The following FAT1 variants were observed in gnomAD, a reference collection of about 807,000 sequenced individuals.
FAT1 encodes protocadherin Fat 1.
A neutral mutation model predicts 329.8 loss-of-function variants in FAT1; 171 were observed. That is an observed-to-expected ratio of 0.52 (90% CI 0.46 to 0.59). The LOEUF is 0.59. Among genes scored for constraint, FAT1 ranks in the 20% least tolerant of loss-of-function variants. FAT1 has a pLI of 0.00. For missense variants in FAT1, 5,672 were observed against 5,774.4 expected (o/e 0.98, Z 0.57); for synonymous variants, 2,233 against 2,228.6 (o/e 1.00, Z -0.06).
rs1744663062 is a variant in FAT1, at chr4:186,707,116, C to G, written c.2712G>C (p.Glu904Asp). The change falls in exon 2 of 27, where the codon GAG becomes GAC. Residue 904 changes from glutamate (E) to aspartate (D), a missense_variant. Transcript: ENST00000441802. ...CAACGACAGTGGAGAACAGCTGAGG[C>G]TCTTCTCTGGCTTGGTCCCTGGCCT... The part of the protein sequence containing the change: ...KIEARDQARE[E>D]PQLFSTVVVK... 1 of 1,613,996 alleles carries G rather than the reference C, an allele frequency of 6.2e-7. No individual in the cohort carries two copies. Among genetic ancestry groups the G allele is most frequent in the South Asian group, 1.1e-5 (1 of 91,078 alleles).
In FAT1 at chr4:186,636,070, T is replaced by G; in HGVS notation, c.4138A>C (p.Ile1380Leu). The part of the protein sequence containing the change: ...SDPVAHMIGV[I>L]SVEPPGIPLW... ...GGTATGCCAGGAGGCTCCACAGATA[T>G]TACTCCAATCATGTGAGCAACGGGG... The change falls in exon 6 of 27, where the codon ATA (isoleucine) becomes CTA (leucine). Residue 1380 changes from isoleucine (I) to leucine (L), a missense_variant. Ile to Leu is a conservative substitution (Grantham distance 5). Around this residue, in one of 2 missense-constraint regions of FAT1, gnomAD observed 3,966 missense variants for 3,915.2 expected, o/e 1.01. Coordinates refer to ENST00000441802, the MANE Select transcript of FAT1 (RefSeq NM_005245.4). The G allele has an allele frequency of 6.2e-7, 1 of 1,613,930 alleles. No individual in the cohort carries two copies. The highest frequency in any genetic ancestry group is 1.1e-5 in the South Asian group (1 of 91,082).
At position 186,619,204 on chromosome 4, in the gene FAT1, T is replaced by A. The variant is rs2126503210; in HGVS notation, c.7382A>T (p.Tyr2461Phe). The change falls in exon 10 of 27, where the codon TAC (tyrosine) becomes TTC (phenylalanine). Residue 2461 changes from tyrosine to phenylalanine, a missense_variant. By Grantham distance (22) the Tyr-to-Phe change is conservative. Transcript: ENST00000441802. ...ATCAGACACTGACAGGTTAAGACTG[T>A]AAAATGGCTTCAGGGCGTGCCGGTG... ...NLHRHALKPF[Y>F]SLNLSVSDGV... The A allele has an allele frequency of 1.2e-6, 2 of 1,613,994 alleles. No individual in the cohort carries two copies. Among genetic ancestry groups the A allele is most frequent in the East Asian group, 4.5e-5 (2 of 44,888 alleles).
chr4:186,699,140 G>A (rs911042395), intron 2 of FAT1, among the ~76,000 whole-genome samples: 2 of 152,042 alleles, frequency 1.3e-5, no homozygotes, highest in Admixed American at 6.6e-5. Context: ...CTCACTAAAC[G>A]TTAACTATAA....
chr4:186,706,503 G>GT, intron 2 of FAT1, 60 bp downstream of exon 2: 4 of 1,371,470 alleles, frequency 2.9e-6, no homozygotes, highest in Non-Finnish European at 4.0e-6. Context: ...AGGGCAGATG[G>GT]TTAAAAAAAA....
At chr4:186,705,289 C>T (rs1744524483) in intron 2 of FAT1, among the ~76,000 whole-genome samples, 1 of 152,120 alleles carries the variant, frequency 6.6e-6, no homozygotes, top group African/African-American at 2.4e-5. Flanking sequence ...TCATGTGCTA[C>T]ACACCTATCA....
chr4:186,619,661 C>T lies in FAT1; in HGVS notation c.6925G>A (p.Asp2309Asn), dbSNP rs1221788415. The stretch of plus-strand genomic sequence containing the variant: ...CCTCTATTTGGTTCTGAATCAGAAT[C>T]GGTGGCTCTAACTTGAACAACAGAC... ...GTSVVQVRATDSDSEPNRGIS... is the reference protein window; with the variant it reads ...GTSVVQVRATNSDSEPNRGIS... Residue 2309 changes from aspartate to asparagine, a missense_variant, in exon 10 of 27, where the codon GAT (aspartate) becomes AAT (asparagine). Coordinates refer to ENST00000441802, the MANE Select transcript of FAT1 (RefSeq NM_005245.4). 2.3e-5 allele frequency: 37 copies of T among 1,613,828 alleles called. 1 individual carries two copies. The highest frequency in any genetic ancestry group is 1.6e-4 in the East Asian group (7 of 44,898).
intron 1 of FAT1, among the ~76,000 whole-genome samples, 194 bp downstream of exon 1, chr4:186,723,470 A>AC (rs985262122): frequency 1.3e-5 from 2 of 151,602 alleles, no homozygotes; most frequent in African/African-American, 2.4e-5. Context: ...CGCCGCCGGG[A>AC]CCCCCCTAGC....
chr4:186,714,106 C>T (rs1241529945), intron 1 of FAT1, among the ~76,000 whole-genome samples: 2 of 152,106 alleles, frequency 1.3e-5, no homozygotes, highest in African/African-American at 2.4e-5. Context: ...CCGAGGAGTG[C>T]CACGGTCTCA....
Position 186,588,585 on chromosome 4 carries a change from T to G in FAT1, c.*7A>C, listed in dbSNP as rs1381175578. On this transcript the variant is annotated 3_prime_UTR_variant, in exon 27 of 27. Coordinates refer to ENST00000441802, the MANE Select transcript of FAT1 (RefSeq NM_005245.4). ...CTAAAGTCAGGCACTTTGGGGGGAG[T>G]TGAGAGTCAGACTTCCGTGTGCTGC... is the stretch of plus-strand genomic sequence containing the variant. 2 of 1,602,648 alleles carry G rather than the reference T, an allele frequency of 1.2e-6. No individual in the cohort carries two copies. Among genetic ancestry groups the G allele is most frequent in the Non-Finnish European group, 1.7e-6 (2 of 1,174,402 alleles).
chr4:186,711,277 G>A (rs769567455), intron 1 of FAT1, among the ~76,000 whole-genome samples: 5 of 152,300 alleles, frequency 3.3e-5, no homozygotes, highest in Middle Eastern at 3.4e-3. Context: ...ATTGAACCAC[G>A]TTCAAGTTGG....
chr4:186,709,645 A>T lies in FAT1; in HGVS notation c.183T>A (p.Val61=), dbSNP rs751476957. 4 of 1,613,942 alleles carry T rather than the reference A, an allele frequency of 2.5e-6. No homozygotes were observed. The highest frequency in any genetic ancestry group is 3.4e-6 in the Non-Finnish European group (4 of 1,179,884). The change falls in exon 2 of 27, where the codon GTT becomes GTA. Residue 61 remains valine, a synonymous_variant. Coordinates refer to ENST00000441802, the MANE Select transcript of FAT1 (RefSeq NM_005245.4). The part of the protein sequence containing the change: ...TYVGHPVKMG[V]YITHPAWEVR... ...CTTCCCACGCTGGATGTGTAATGTA[A>T]ACACCCATCTTGACAGGATGCCCCA... is the stretch of plus-strand genomic sequence containing the variant.
chr4:186,657,187 G>A (rs1741943460), intron 3 of FAT1, among the ~76,000 whole-genome samples: 1 of 152,168 alleles, frequency 6.6e-6, no homozygotes, highest in Non-Finnish European at 1.5e-5. Flanking sequence ...TGTACTCAAT[G>A]TTCACAGCGG....
In FAT1 at chr4:186,595,825, T is replaced by G; in HGVS notation, c.13002A>C (p.Thr4334=). Reference sequence around the variant, plus strand: ...GACAGGGATCAAGATCCACCACTTTTGCTAAAAGGAAGGATGACAAACAGT... The same window carrying G: ...GACAGGGATCAAGATCCACCACTTTGGCTAAAAGGAAGGATGACAAACAGT... The part of the protein sequence containing the change: ...QKPSWDFDYD[T]KVVDLDPCLS... The change falls in exon 26 of 27, where the codon ACA becomes ACC. Residue 4334 remains threonine (T), a splice_region_variant and synonymous_variant. Coordinates refer to ENST00000441802, the MANE Select transcript of FAT1 (RefSeq NM_005245.4). 6.2e-7 allele frequency: 1 copy of G among 1,613,892 alleles called. No individual in the cohort carries two copies. Among genetic ancestry groups the G allele is most frequent in the East Asian group, 2.2e-5 (1 of 44,880 alleles).
chr4:186,698,046 G>A (rs1273155648), intron 2 of FAT1, among the ~76,000 whole-genome samples: 3 of 152,170 alleles, frequency 2.0e-5, no homozygotes, highest in South Asian at 4.1e-4. Flanking sequence ...AGGCGTCCAG[G>A]GTGGCAGAAA....
chr4:186,642,188 C>T (rs1741130794), intron 3 of FAT1, among the ~76,000 whole-genome samples: 1 of 152,168 alleles, frequency 6.6e-6, no homozygotes. Context: ...CCACTTCAGC[C>T]TGAGTCACTG....
At chr4:186,695,161 G>GTTTTTGCTCTAAACGTTT (rs1743964772) in intron 2 of FAT1, among the ~76,000 whole-genome samples, 1 of 152,158 alleles carries the variant, frequency 6.6e-6, no homozygotes, top group Admixed American at 6.5e-5. Context: ...GTTTTTTAGA[G>GTTTTTGCTCTAAACGTTT]TTCAAGTTTT....
chr4:186,677,769 T>C (rs1026448052), intron 2 of FAT1, among the ~76,000 whole-genome samples: 7 of 152,118 alleles, frequency 4.6e-5, no homozygotes, highest in African/African-American at 4.8e-5. Flanking sequence ...ATAAAGTACT[T>C]TGAAAGAGAA....
intron 3 of FAT1, among the ~76,000 whole-genome samples, chr4:186,662,584 C>T (rs1241248241): frequency 6.6e-6 from 1 of 152,146 alleles, no homozygotes; most frequent in Non-Finnish European, 1.5e-5. Context: ...CTATAGGAAA[C>T]ACTTAAAACA....
intron 2 of FAT1, among the ~76,000 whole-genome samples, chr4:186,685,929 T>G (rs953750536): frequency 3.3e-5 from 5 of 152,168 alleles, no homozygotes; most frequent in African/African-American, 1.2e-4. Context: ...TCAGTTAAAC[T>G]CTCTACACCA....
Sources: allele counts gnomAD v4.1 joint callset (sites outside exome capture counted in the v4.1 genomes callset), GRCh38; gene constraint gnomAD v4.1.1; regional missense constraint gnomAD v4.1.1; transcripts MANE v1.5; gene names NCBI Gene and HGNC (gene_info 2026-07-23, HGNC 2026-07-21).